The following PTDSS2 variants were observed in gnomAD, a reference collection of about 807,000 sequenced individuals.
PTDSS2 encodes the protein phosphatidylserine synthase 2.
Under a neutral mutation model 64.7 loss-of-function variants are expected in PTDSS2, and 41 were observed. The ratio of observed to expected loss-of-function variants is 0.63; its 90% CI spans 0.49 to 0.82. PTDSS2 has a LOEUF of 0.82. PTDSS2 is among the 40% of genes least tolerant of loss of function. PTDSS2 has a pLI of 0.00. For synonymous variants in PTDSS2, 297 were observed against 277.8 expected, an observed-to-expected ratio of 1.07 and a Z score of -0.69; for missense variants, 485 against 650.0, an observed-to-expected ratio of 0.75 and a Z score of 2.76.
At chr11:481,594 GT>G (rs1174495791) in intron 4 of PTDSS2, among the ~76,000 whole-genome samples, 1 of 152,018 alleles carries the variant, frequency 6.6e-6, no homozygotes, top group Non-Finnish European at 1.5e-5. Flanking sequence ...CAATTATTTT[GT>G]TCATTGTGTG....
Position 488,665 on chromosome 11 carries a change from C to G in PTDSS2, c.854+18C>G. 6.3e-7 allele frequency: 1 copy of G among 1,575,524 alleles called. No homozygotes were observed. Among genetic ancestry groups the G allele is most frequent in the Non-Finnish European group, 8.7e-7 (1 of 1,146,302 alleles). ...ACCTACAAGTACGTCGTGGGGGCTG[C>G]GAGGGCAGGGCCGGGTGGGGGTTAC... is the stretch of plus-strand genomic sequence containing the variant. On this transcript the variant is annotated intron_variant, in intron 8 of 11. Transcript: ENST00000308020.
chr11:461,837 C>A lies in PTDSS2; in HGVS notation c.284+1549C>A, dbSNP rs1413330354. On this transcript the variant is annotated intron_variant, in intron 2 of 11. Transcript: ENST00000308020. This position sits in a 1 kb window ranked among gnomAD's most constrained non-coding sequence, Gnocchi z 4.2. ...AGGGAGCATGTGCCGTGCCTGGGGC[C>A]CCTGTGGAGGGGCCACCTGGGGACG... is the stretch of plus-strand genomic sequence containing the variant. Among the ~76,000 whole-genome samples the A allele has an allele frequency of 1.3e-5, 2 of 152,098 alleles. No homozygotes were observed. Among genetic ancestry groups the A allele is most frequent in the African/African-American group, 4.8e-5 (2 of 41,390 alleles).
At chr11:455,668 G>C (rs539013834) in intron 1 of PTDSS2, among the ~76,000 whole-genome samples, 1 of 152,220 alleles carries the variant, frequency 6.6e-6, no homozygotes, top group Non-Finnish European at 1.5e-5. Flanking sequence ...CTTGCTCCTC[G>C]CGCTCCCTTC....
At chr11:487,965 A>C (rs1848471884) in intron 6 of PTDSS2, among the ~76,000 whole-genome samples, 1 of 152,182 alleles carries the variant, frequency 6.6e-6, no homozygotes. Context: ...GTCGACTCCA[A>C]GAATGCTGCC....
At chr11:480,207 C>G (rs1192802393) in intron 4 of PTDSS2, 4 of 152,030 alleles carry the variant, frequency 2.6e-5, no homozygotes, top group Non-Finnish European at 5.8e-5. Flanking sequence ...TGGGCAGCCT[C>G]TTCCCGCCCT....
chr11:450,281 A>T lies in PTDSS2; in HGVS notation c.-175A>T, dbSNP rs1252644719. 1 of 441,138 alleles carries T rather than the reference A, an allele frequency of 2.3e-6. No individual in the cohort carries two copies. The highest frequency in any genetic ancestry group is 3.7e-6 in the Non-Finnish European group (1 of 272,400). The allele number at this position is 441,138 out of a possible 1,614,324, so 27.3% of individuals were successfully genotyped here. Reference sequence around the variant, plus strand: ...GCCCCGCGCGGACTACAAGCCCCACAATGCACCGCACACCCTTTACTGGCC... The same window carrying T: ...GCCCCGCGCGGACTACAAGCCCCACTATGCACCGCACACCCTTTACTGGCC... On this transcript the variant is annotated 5_prime_UTR_variant, in exon 1 of 12. Coordinates refer to ENST00000308020, the MANE Select transcript of PTDSS2 (RefSeq NM_030783.3).
rs561809886 is a variant in PTDSS2, at chr11:462,600, G to A, written c.284+2312G>A. Among the ~76,000 whole-genome samples the A allele has an allele frequency of 1.3e-5, 2 of 152,280 alleles. No individual in the cohort carries two copies. Among genetic ancestry groups the A allele is most frequent in the Admixed American group, 1.3e-4 (2 of 15,302 alleles). ...GCCCCAGGTCACCCTGGCACTGACC[G>A]TGGCTCTGTGGCTCCTTCCAGTGAA... On this transcript the variant is annotated intron_variant, in intron 2 of 11. Coordinates refer to ENST00000308020, the MANE Select transcript of PTDSS2 (RefSeq NM_030783.3). This position sits in a 1 kb window ranked among gnomAD's most constrained non-coding sequence, Gnocchi z 4.5.
In PTDSS2 at chr11:461,592, C is replaced by T. The variant is rs1846885336; in HGVS notation, c.284+1304C>T. ...TGGCTGCATGCTCTGTGGGTTCTCT[C>T]CCACCTTGCTGTCATCCCTCTCCCA... On this transcript the variant is annotated intron_variant, in intron 2 of 11. Transcript: ENST00000308020. This position sits in a 1 kb window ranked among gnomAD's most constrained non-coding sequence, Gnocchi z 4.2. Among the ~76,000 whole-genome samples the T allele has an allele frequency of 6.6e-6, 1 of 152,188 alleles. No homozygotes were observed. The highest frequency in any genetic ancestry group is 2.4e-5 in the African/African-American group (1 of 41,456).
intron 3 of PTDSS2, among the ~76,000 whole-genome samples, chr11:474,404 C>T (rs551943519): frequency 2.4e-4 from 33 of 138,894 alleles, no homozygotes; most frequent in Non-Finnish European, 3.8e-4. Context: ...TGGGTGAGGG[C>T]GCCAGATGGG....
intron 1 of PTDSS2, among the ~76,000 whole-genome samples, chr11:452,754 A>T (rs751647555): frequency 6.6e-6 from 1 of 151,956 alleles, no homozygotes; most frequent in African/African-American, 2.4e-5. Context: ...AGGTAACTCA[A>T]TGCCTGCCTG....
At chr11:471,430 G>A (rs1847424316) in intron 2 of PTDSS2, among the ~76,000 whole-genome samples, 1 of 152,228 alleles carries the variant, frequency 6.6e-6, no homozygotes, top group South Asian at 2.1e-4. Context: ...TTATAAAGTT[G>A]TCATAAACAT....
rs554620021 is a variant in PTDSS2, at chr11:490,787, T to TGCGTGTGTGTACGCGTGTGTAC, written c.*209_*230dup. On this transcript the variant is annotated 3_prime_UTR_variant, in exon 12 of 12. Transcript: ENST00000308020. ...ATGTGTACACGTGTGTACGTGTGTA[T>TGCGTGTGTGTACGCGTGTGTAC]GCGTGTGTGTACGCGTGTGTACGCG... 22 of 574,018 alleles carry TGCGTGTGTGTACGCGTGTGTAC rather than the reference T, an allele frequency of 3.8e-5. No homozygotes were observed. The highest frequency in any genetic ancestry group is 6.4e-5 in the Non-Finnish European group (21 of 327,076). 35.6% of individuals were successfully genotyped at this position (574,018 alleles called of 1,614,324 possible). A position where few individuals can be genotyped will look rare whatever the true frequency, so the allele number is the denominator to read the frequency against.
At chr11:474,079 C>T (rs373806683) in intron 3 of PTDSS2, 102 bp downstream of exon 3, 103 of 980,006 alleles carry the variant, frequency 1.1e-4, no homozygotes, top group Middle Eastern at 2.1e-4. Flanking sequence ...TCCTCCCCTC[C>T]GCCTGGCCCC....
In PTDSS2 at chr11:470,675, C is replaced by T. The variant is rs1000977327; in HGVS notation, c.285-3220C>T. On this transcript the variant is annotated intron_variant, in intron 2 of 11. Coordinates refer to ENST00000308020, the MANE Select transcript of PTDSS2 (RefSeq NM_030783.3). This position sits in a 1 kb window ranked among gnomAD's most constrained non-coding sequence, Gnocchi z 5.3. ...CGTGATCTCGGCTCACTGCAACCTC[C>T]GCCTCTCGGGTTCAAGTGATTCTCC... Among the ~76,000 whole-genome samples, 37 of 151,446 alleles carry T rather than the reference C, an allele frequency of 2.4e-4. No individual in the cohort carries two copies. Among genetic ancestry groups the T allele is most frequent in the Non-Finnish European group, 4.3e-4 (29 of 67,768 alleles).
intron 1 of PTDSS2, among the ~76,000 whole-genome samples, chr11:455,946 A>C (rs962002736): frequency 3.3e-5 from 5 of 152,114 alleles, no homozygotes; most frequent in Admixed American, 2.6e-4. Flanking sequence ...CCCAGTGTCC[A>C]GGAGGCTCCG....
At chr11:450,232 A>G (rs1846250944), upstream of PTDSS2, 3 of 370,528 alleles carry the variant, frequency 8.1e-6, no homozygotes, top group Non-Finnish European at 1.4e-5. Context: ...CCAACCCGCG[A>G]CGTCGGACCA....
intron 2 of PTDSS2, among the ~76,000 whole-genome samples, chr11:472,721 T>C (rs1847529345): frequency 1.3e-5 from 2 of 152,140 alleles, no homozygotes; most frequent in Admixed American, 6.5e-5. Context: ...GAGAGGGGAA[T>C]TTCTGAGACT....
rs1041063344 is a variant in PTDSS2, at chr11:479,732, G to T, written c.435+580G>T. On this transcript the variant is annotated intron_variant, in intron 4 of 11. Coordinates refer to ENST00000308020, the MANE Select transcript of PTDSS2 (RefSeq NM_030783.3). This position sits in a 1 kb window ranked among gnomAD's most constrained non-coding sequence, Gnocchi z 4.2. ...CCATCCTGACCACATTCTGCAAGAC[G>T]AGCAGGGTGCAGGTGGGAGACGCAG... 6.6e-6 allele frequency among the ~76,000 whole-genome samples: 1 copy of T among 151,524 alleles called. No individual in the cohort carries two copies. The highest frequency in any genetic ancestry group is 2.4e-5 in the African/African-American group (1 of 41,136).
chr11:485,259 C>CTG (rs57978901), intron 4 of PTDSS2, among the ~76,000 whole-genome samples: 2 of 130,406 alleles, frequency 1.5e-5, no homozygotes, highest in Non-Finnish European at 1.6e-5. Flanking sequence ...TGTGTGCTCA[C>CTG]TGCGCAGGCG....
Sources: gnomAD v4.1 joint callset for allele counts (sites outside exome capture counted in the v4.1 genomes callset) on GRCh38, gnomAD v4.1.1 for gene constraint, Gnocchi (gnomAD v3.1) non-coding constraint, MANE v1.5 for transcripts, NCBI Gene and HGNC (gene_info 2026-07-23, HGNC 2026-07-21) for gene names.